The following SERTAD1 variants were observed in gnomAD, a reference collection of about 807,000 sequenced individuals.
SERTAD1 encodes the protein SERTA domain containing 1, also known as SERTA domain-containing protein 1.
SERTAD1 carries 5 observed loss-of-function variants against 11.7 expected under a neutral mutation model. The ratio of observed to expected loss-of-function variants is 0.43; its 90% confidence interval spans 0.22 to 0.90. SERTAD1 has a LOEUF of 0.90. SERTAD1 is among the 40% of genes least tolerant of loss of function. SERTAD1 has a pLI of 0.27. For missense variants in SERTAD1, 287 were observed against 313.9 expected (o/e 0.91, Z 0.65); for synonymous variants, 139 against 141.4 (o/e 0.98, Z 0.12).
Position 40,422,697 on chromosome 19 carries a change from C to T in SERTAD1, c.*139G>A, listed in dbSNP as rs2079602270. 15 of 941,870 alleles carry T rather than the reference C, an allele frequency of 1.6e-5. No individual in the cohort carries two copies. In the South Asian group the frequency reaches 2.4e-4, roughly 15 times the overall value. 58.3% of individuals were successfully genotyped at this position (941,870 alleles called of 1,614,324 possible). A position where few individuals can be genotyped will look rare whatever the true frequency, so the allele number is the denominator to read the frequency against. ...GACAGGAGGACGGATGTGAAGTTGC[C>T]CAGGACTAGATTCTGTCTCTCCAAA... On this transcript the variant is annotated 3_prime_UTR_variant, in exon 2 of 2. Coordinates refer to ENST00000357949, the MANE Select transcript of SERTAD1 (RefSeq NM_013376.4).
Position 40,422,899 on chromosome 19 carries a change from G to A in SERTAD1, c.648C>T (p.Asp216=). The A allele has an allele frequency of 6.2e-7, 1 of 1,613,448 alleles. No homozygotes were observed. Among genetic ancestry groups the A allele is most frequent in the Non-Finnish European group, 8.5e-7 (1 of 1,179,824 alleles). The change falls in exon 2 of 2, where the codon GAC becomes GAT. Residue 216 remains aspartate, a synonymous_variant. Transcript: ENST00000357949. ...TGCCCACCAGCACATCCATGAGGTA[G>A]TCCAATTCGGCCTCGTCCAGCTCCG... ...EAPELDEAEL[D]YLMDVLVGTQ...
chr19:40,424,398 C>T (rs1013691593), intron 1 of SERTAD1, among the ~76,000 whole-genome samples: 2 of 151,898 alleles, frequency 1.3e-5, no homozygotes, highest in Non-Finnish European at 2.9e-5. Context: ...TTTTCCCCTA[C>T]AAAAGCAGCT....
At chr19:40,425,695 C>T (rs1258096953) in intron 1 of SERTAD1, among the ~76,000 whole-genome samples, 172 bp downstream of exon 1, 2 of 152,120 alleles carry the variant, frequency 1.3e-5, no homozygotes, top group South Asian at 4.1e-4. Flanking sequence ...CCGCCCCCTT[C>T]TCGGACTGCG....
chr19:40,422,876 C>T lies in SERTAD1; in HGVS notation c.671G>A (p.Gly224Asp). 6.2e-7 allele frequency: 1 copy of T among 1,611,876 alleles called. No individual in the cohort carries two copies. Among genetic ancestry groups the T allele is most frequent in the South Asian group, 1.1e-5 (1 of 90,802 alleles). The change falls in exon 2 of 2, where the codon GGC becomes GAC. Residue 224 changes from glycine to aspartate, a missense_variant. By Grantham distance (94) the Gly-to-Asp change is moderately conservative. Transcript: ENST00000357949. ...ELDYLMDVLV[G>D]TQALERPPGP... ...CGGCGGTCGCTCCAGTGCCTGTGTG[C>T]CCACCAGCACATCCATGAGGTAGTC...
chr19:40,424,526 A>G (rs2079609637), intron 1 of SERTAD1, among the ~76,000 whole-genome samples: 1 of 152,230 alleles, frequency 6.6e-6, no homozygotes, highest in Admixed American at 6.5e-5. Context: ...TGTTTCAAAC[A>G]GTAAATAAAT....
In SERTAD1 at chr19:40,423,386, T is replaced by C; in HGVS notation, c.161A>G (p.His54Arg). The C allele has an allele frequency of 3.7e-6, 6 of 1,613,376 alleles. No individual in the cohort carries two copies. Among genetic ancestry groups the C allele is most frequent in the Non-Finnish European group, 5.1e-6 (6 of 1,179,988 alleles). ...SLFDLSVLKL[H>R]HSLQQSEPDL... is the part of the protein sequence containing the mutation. ...CGGCTCACTCTGCTGCAGGCTGTGG[T>C]GGAGCTTGAGCACTGAGAGGTCAAA... is the stretch of plus-strand genomic sequence containing the variant. Residue 54 changes from histidine to arginine, a missense_variant, in exon 2 of 2, where the codon CAC (histidine) becomes CGC (arginine). By Grantham distance (29) the His-to-Arg change is conservative. Coordinates refer to ENST00000357949, the MANE Select transcript of SERTAD1 (RefSeq NM_013376.4).
intron 1 of SERTAD1, among the ~76,000 whole-genome samples, chr19:40,424,425 TATA>T (rs1223593899): frequency 2.6e-5 from 4 of 152,074 alleles, no homozygotes; most frequent in Middle Eastern, 3.4e-3. Flanking sequence ...CATATTTTAT[TATA>T]ATAACATAAT....
intron 1 of SERTAD1, 25 bp from the exon 2 acceptor site, chr19:40,423,571 G>A (rs1335661585): frequency 7.4e-7 from 1 of 1,352,086 alleles, no homozygotes; most frequent in African/African-American, 1.5e-5. Flanking sequence ...GAGTTATGGA[G>A]TTATAGTCAG....
intron 1 of SERTAD1, among the ~76,000 whole-genome samples, chr19:40,424,710 C>CA (rs1568724666): frequency 1.3e-5 from 2 of 151,830 alleles, no homozygotes; most frequent in South Asian, 2.1e-4. Context: ...GAGGGAACAA[C>CA]AAAAAAAGGC....
In SERTAD1 at chr19:40,422,963, T is replaced by G; in HGVS notation, c.584A>C (p.Lys195Thr). The G allele has an allele frequency of 6.2e-7, 1 of 1,604,936 alleles. No individual in the cohort carries two copies. Among genetic ancestry groups the G allele is most frequent in the Non-Finnish European group, 8.5e-7 (1 of 1,175,422 alleles). Reference sequence around the variant, plus strand: ...GCCCGGCCCATCCTCAGGGCCTGGTTTGAGGCCCTCAGAGGCTGGTGCCCA... The same window carrying G: ...GCCCGGCCCATCCTCAGGGCCTGGTGTGAGGCCCTCAGAGGCTGGTGCCCA... ...ELWAPASEGL[K>T]PGPEDGPGKE... Residue 195 changes from lysine (K) to threonine (T), a missense_variant, in exon 2 of 2, where the codon AAA becomes ACA. Physicochemically the swap from Lys to Thr is moderately conservative, Grantham distance 78 (BLOSUM62 -1). Transcript: ENST00000357949.
chr19:40,423,364 C>T lies in SERTAD1; in HGVS notation c.183G>A (p.Glu61=), dbSNP rs760082961. The change falls in exon 2 of 2, where the codon GAG becomes GAA. Residue 61 remains glutamate (E), a synonymous_variant. Coordinates refer to ENST00000357949, the MANE Select transcript of SERTAD1 (RefSeq NM_013376.4). ...LKLHHSLQQS[E]PDLRHLVLVV... is the part of the protein sequence containing the mutation. Reference sequence around the variant, plus strand: ...CCAGCACCAGGTGCCGCAGGTCCGGCTCACTCTGCTGCAGGCTGTGGTGGA... The same window carrying T: ...CCAGCACCAGGTGCCGCAGGTCCGGTTCACTCTGCTGCAGGCTGTGGTGGA... 6.2e-7 allele frequency: 1 copy of T among 1,613,466 alleles called. No homozygotes were observed. Among genetic ancestry groups the T allele is most frequent in the South Asian group, 1.1e-5 (1 of 91,080 alleles).
In SERTAD1 at chr19:40,423,028, C is replaced by A; in HGVS notation, c.519G>T (p.Leu173=). 1 of 1,575,284 alleles carries A rather than the reference C, an allele frequency of 6.3e-7. No individual in the cohort carries two copies. Among genetic ancestry groups the A allele is most frequent in the South Asian group, 1.2e-5 (1 of 86,652 alleles). The stretch of plus-strand genomic sequence containing the variant: ...ACATAGAGGTGTCAATATCCTCAAA[C>A]AGGCCCTCAAGCCCATCGTCCAGTA... ...GCLLDDGLEG[L]FEDIDTSMYD... is the part of the protein sequence containing the mutation. Residue 173 remains leucine (L), a synonymous_variant, in exon 2 of 2, where the codon CTG becomes CTT. Transcript: ENST00000357949.
chr19:40,424,700 G>A (rs1459097622), intron 1 of SERTAD1, among the ~76,000 whole-genome samples: 1 of 152,222 alleles, frequency 6.6e-6, no homozygotes, highest in African/African-American at 2.4e-5. Context: ...ATTCCGGGAG[G>A]AGGGAACAAC....
chr19:40,425,165 C>G (rs535605450), intron 1 of SERTAD1, among the ~76,000 whole-genome samples: 5 of 152,170 alleles, frequency 3.3e-5, no homozygotes, highest in African/African-American at 1.2e-4. Context: ...AAATCGTGAT[C>G]GGCACCGGGT....
chr19:40,423,222 C>T lies in SERTAD1; in HGVS notation c.325G>A (p.Ala109Thr), dbSNP rs765892300. Reference protein sequence around the residue: ...VADNLLASSDAALSASMASLL... With the variant: ...VADNLLASSDTALSASMASLL... Reference sequence around the variant, plus strand: ...CTGGCCATGGAGGCTGAAAGGGCAGCGTCCGAGCTTGCCAGTAAGTTGTCA... The same window carrying T: ...CTGGCCATGGAGGCTGAAAGGGCAGTGTCCGAGCTTGCCAGTAAGTTGTCA... The change falls in exon 2 of 2, where the codon GCT becomes ACT. Residue 109 changes from alanine (A) to threonine (T), a missense_variant. Transcript: ENST00000357949. The T allele has an allele frequency of 1.2e-5, 19 of 1,602,916 alleles. No individual in the cohort carries two copies. Among genetic ancestry groups the T allele is most frequent in the Middle Eastern group, 3.3e-4 (2 of 6,050 alleles).
In SERTAD1 at chr19:40,423,255, TG is replaced by T; in HGVS notation, c.291del (p.Ser98ValfsTer31). On this transcript the variant is annotated frameshift_variant, in exon 2 of 2. Coordinates refer to ENST00000357949, the MANE Select transcript of SERTAD1 (RefSeq NM_013376.4). LOFTEE classifies it high-confidence loss of function. ...LPPVPSPPAA[P>X]SVADNLLASS... ...CTTGCCAGTAAGTTGTCAGCCACACTGGGGGCTGCAGGTGGGCTAGGCACAG... is the reference window on the plus strand; with the variant it reads ...CTTGCCAGTAAGTTGTCAGCCACACTGGGGCTGCAGGTGGGCTAGGCACAG... 2 of 1,607,968 alleles carry T rather than the reference TG, an allele frequency of 1.2e-6. No individual in the cohort carries two copies. The highest frequency in any genetic ancestry group is 8.5e-7 in the Non-Finnish European group (1 of 1,176,540).
At chr19:40,425,664 G>A (rs1432879833) in intron 1 of SERTAD1, among the ~76,000 whole-genome samples, 1 of 151,958 alleles carries the variant, frequency 6.6e-6, no homozygotes, top group African/African-American at 2.4e-5. Context: ...TCACGCAGCC[G>A]GAGCCAAGAA....
rs1475900472 is a variant in SERTAD1, at chr19:40,423,135, C to T, written c.412G>A (p.Glu138Lys). Reference sequence around the variant, plus strand: ...CCGATGCTACGGCCTGGTGGCCCCTCGTCTGCCAAGGGTTGGGGAGCCTGA... The same window carrying T: ...CCGATGCTACGGCCTGGTGGCCCCTTGTCTGCCAAGGGTTGGGGAGCCTGA... ...LSQAPQPLAD[E>K]GPPGRSIGGA... The change falls in exon 2 of 2, where the codon GAG (glutamate) becomes AAG (lysine). Residue 138 changes from glutamate to lysine, a missense_variant. Physicochemically the swap from Glu to Lys is moderately conservative, Grantham distance 56. Transcript: ENST00000357949. 1.9e-6 allele frequency: 3 copies of T among 1,602,726 alleles called. No individual in the cohort carries two copies. Among genetic ancestry groups the T allele is most frequent in the African/African-American group, 1.3e-5 (1 of 74,774 alleles).
rs925958442 is a variant in SERTAD1, at chr19:40,422,557, G to T, written c.*279C>A. On this transcript the variant is annotated 3_prime_UTR_variant, in exon 2 of 2. Transcript: ENST00000357949. ...AAAAATCTGATTGGGGTCTCTTCCC[G>T]TATCAGAGAAGGAACAGCCCAAGCT... 7.4e-6 allele frequency: 3 copies of T among 405,768 alleles called. No individual in the cohort carries two copies. The highest frequency in any genetic ancestry group is 1.3e-5 in the Non-Finnish European group (3 of 228,040). The allele number at this position is 405,768 out of a possible 1,614,324, so 25.1% of individuals were successfully genotyped here.
Sources: gnomAD v4.1 joint callset for allele counts (sites outside exome capture counted in the v4.1 genomes callset) on GRCh38, gnomAD v4.1.1 for gene constraint, MANE v1.5 for transcripts, NCBI Gene and HGNC (gene_info 2026-07-23, HGNC 2026-07-21) for gene names.